Variants in HECW1 observed in about 807,000 individuals in gnomAD.
HECW1 encodes HECT, C2 and WW domain containing E3 ubiquitin protein ligase 1.
A neutral mutation model predicts 182.3 loss-of-function variants in HECW1; 61 were observed. The observed-to-expected ratio is 0.33, with a 90% CI of 0.27 to 0.41. HECW1 has a LOEUF of 0.41. Ranked by LOEUF, HECW1 falls within the 10% of genes least tolerant of loss-of-function variation. The pLI is 1.00. For synonymous variants in HECW1, 859 were observed against 832.6 expected (o/e 1.03, Z -0.55); for missense variants, 1,739 against 2,108.9 (o/e 0.82, Z 3.44).
At chr7:43,365,009 T>C (rs1199860494) in intron 6 of HECW1, among the ~76,000 whole-genome samples, 2 of 152,174 alleles carry the variant, frequency 1.3e-5, no homozygotes, top group Non-Finnish European at 2.9e-5. Context: ...GGGTAAACTG[T>C]CCTTAGCCCA....
intron 2 of HECW1, among the ~76,000 whole-genome samples, chr7:43,197,559 G>A (rs1794585654): frequency 6.6e-6 from 1 of 152,096 alleles, no homozygotes; most frequent in Admixed American, 6.5e-5. Context: ...ACCTTCTACA[G>A]CTCCCCCAGC....
intron 24 of HECW1, among the ~76,000 whole-genome samples, chr7:43,514,296 CTTTTCTTTTT>C (rs2080025154): frequency 7.1e-6 from 1 of 141,482 alleles, no homozygotes; most frequent in African/African-American, 2.6e-5. Flanking sequence ...TTTTTCTTTT[CTTTTCTTTTT>C]TTTTTTTTTG....
chr7:43,489,896 G>A (rs1179841440), intron 17 of HECW1, among the ~76,000 whole-genome samples: 2 of 152,216 alleles, frequency 1.3e-5, no homozygotes, highest in Non-Finnish European at 2.9e-5. Context: ...GAACTGACTT[G>A]TCTAGACTTT....
chr7:43,251,011 T>C (rs544564022), intron 3 of HECW1, among the ~76,000 whole-genome samples: 1 of 152,310 alleles, frequency 6.6e-6, no homozygotes, highest in South Asian at 2.1e-4. Context: ...CCTACAATCA[T>C]TCGTTACTTC....
intron 8 of HECW1, among the ~76,000 whole-genome samples, chr7:43,412,263 TTA>T (rs1276419679): frequency 1.3e-5 from 2 of 152,032 alleles, no homozygotes; most frequent in Non-Finnish European, 2.9e-5. Context: ...ATCTTTCTTG[TTA>T]TAGTTATTAT....
At chr7:43,524,231 AGT>A (rs1312947512) in intron 24 of HECW1, among the ~76,000 whole-genome samples, 1 of 152,216 alleles carries the variant, frequency 6.6e-6, no homozygotes, top group Non-Finnish European at 1.5e-5. Flanking sequence ...TCTTTCAAAG[AGT>A]GTGAGAAAAA....
At chr7:43,158,124 T>C (rs1790095037) in intron 2 of HECW1, among the ~76,000 whole-genome samples, 1 of 152,242 alleles carries the variant, frequency 6.6e-6, no homozygotes. Context: ...GAGTAGTCAC[T>C]GAAGAAATGT....
intron 16 of HECW1, among the ~76,000 whole-genome samples, chr7:43,469,604 G>A (rs1314939212): frequency 1.3e-5 from 2 of 152,142 alleles, no homozygotes; most frequent in African/African-American, 2.4e-5. Flanking sequence ...GGTGTGCTAG[G>A]CCCATGTGAT....
At chr7:43,556,920 C>G (rs950883160) in intron 29 of HECW1, among the ~76,000 whole-genome samples, 1 of 152,120 alleles carries the variant, frequency 6.6e-6, no homozygotes, top group East Asian at 1.9e-4. Context: ...AACCAAGGCA[C>G]CCCTAAGAGG....
intron 3 of HECW1, among the ~76,000 whole-genome samples, chr7:43,310,802 G>A (rs1808409661): frequency 6.6e-6 from 1 of 152,176 alleles, no homozygotes; most frequent in Non-Finnish European, 1.5e-5. Context: ...TAAACTTCAT[G>A]AGTCAACACT....
intron 4 of HECW1, among the ~76,000 whole-genome samples, chr7:43,315,476 T>C (rs1427645106): frequency 1.3e-5 from 2 of 150,240 alleles, no homozygotes; most frequent in Non-Finnish European, 3.0e-5. Flanking sequence ...TTATTATTAT[T>C]ATTATTATTA....
rs1280012089 is a variant in HECW1 at position 43,488,424 on chromosome 7, A to AAG, written c.3235-3649_3235-3648dup. On this transcript the variant is annotated intron_variant, in intron 17 of 29. Coordinates refer to ENST00000395891, the MANE Select transcript of HECW1 (RefSeq NM_015052.5). Reference sequence around the variant, plus strand: ...GAAATGAAAGAAAGAGAGAGAGAGAAAGAAAGAAAGAGAAAGAAAGAAAGA... The same window carrying AAG: ...GAAATGAAAGAAAGAGAGAGAGAGAAAGAGAAAGAAAGAGAAAGAAAGAAAGA... 2.8e-3 allele frequency among the ~76,000 whole-genome samples: 174 copies of AAG among 61,878 alleles called. 6 individuals are homozygous for AAG. The highest frequency in any genetic ancestry group is 6.1e-3 in the South Asian group (7 of 1,154). 40.6% of individuals were successfully genotyped at this position (61,878 alleles called of 152,430 possible). A position where few individuals can be genotyped will look rare whatever the true frequency, so the allele number is the denominator to read the frequency against.
chr7:43,114,136 TC>T lies in HECW1; in HGVS notation c.-266-15del. 3.8e-6 allele frequency: 3 copies of T among 799,788 alleles called. No homozygotes were observed. The highest frequency in any genetic ancestry group is 5.3e-6 in the Non-Finnish European group (3 of 563,586). The allele number at this position is 799,788 out of a possible 1,614,324, so 49.5% of individuals were successfully genotyped here. On this transcript the variant is annotated intron_variant, in intron 1 of 29. Coordinates refer to ENST00000395891, the MANE Select transcript of HECW1 (RefSeq NM_015052.5). ...CAGTGGTGCAATTCTCCCCTTGTTT[TC>T]CCCCCTTCTCTTTGAAAAGATATCA...
intron 2 of HECW1, among the ~76,000 whole-genome samples, chr7:43,237,395 C>CT (rs1798476063): frequency 6.6e-6 from 1 of 152,194 alleles, no homozygotes; most frequent in African/African-American, 2.4e-5. Context: ...TGTGTCTCCC[C>CT]TCCTGAAGGG....
intron 17 of HECW1, among the ~76,000 whole-genome samples, chr7:43,483,036 T>A (rs1442758857): frequency 6.6e-6 from 1 of 152,174 alleles, no homozygotes; most frequent in Non-Finnish European, 1.5e-5. Flanking sequence ...GAGGTCGGAT[T>A]GAGAAAGGCT....
intron 3 of HECW1, among the ~76,000 whole-genome samples, chr7:43,307,231 C>T (rs1330404150): frequency 6.6e-6 from 1 of 151,996 alleles, no homozygotes; most frequent in Non-Finnish European, 1.5e-5. Flanking sequence ...ACTAGGGCCA[C>T]GTGATTACAA....
At chr7:43,337,634 T>C (rs1224734807) in intron 5 of HECW1, among the ~76,000 whole-genome samples, 1 of 152,240 alleles carries the variant, frequency 6.6e-6, no homozygotes, top group Non-Finnish European at 1.5e-5. Flanking sequence ...CTTCTAACAG[T>C]CTGACACTAA....
chr7:43,166,396 A>G (rs553551712), intron 2 of HECW1, among the ~76,000 whole-genome samples: 1 of 152,002 alleles, frequency 6.6e-6, no homozygotes, highest in Non-Finnish European at 1.5e-5. Flanking sequence ...GGTGAAGGAG[A>G]TTGACTTTGA....
intron 7 of HECW1, among the ~76,000 whole-genome samples, chr7:43,401,587 C>A (rs73689999): frequency 7.5e-6 from 1 of 132,662 alleles, no homozygotes; most frequent in Non-Finnish European, 1.6e-5. Context: ...TTTTTTTTTT[C>A]CCCCAAATAT....
Sources: gnomAD v4.1 joint callset for allele counts (sites outside exome capture counted in the v4.1 genomes callset) on GRCh38, gnomAD v4.1.1 for gene constraint, MANE v1.5 for transcripts, NCBI Gene and HGNC (gene_info 2026-07-23, HGNC 2026-07-21) for gene names.